The following SDF4 variants were observed in gnomAD, a reference collection of about 807,000 sequenced individuals.
SDF4 encodes 45 kDa calcium-binding protein.
SDF4 carries 22 observed loss-of-function variants against 34.2 expected under a neutral mutation model. The ratio of observed to expected loss-of-function variants is 0.64; its 90% CI spans 0.46 to 0.92. The LOEUF is 0.92. Among genes scored for constraint, SDF4 ranks in the 40% least tolerant of loss-of-function variants. The pLI is 0.00. For synonymous variants in SDF4, 236 were observed against 203.1 expected (o/e 1.16, Z -1.38); for missense variants, 447 against 499.9 (o/e 0.89, Z 1.01).
Position 1,217,921 on chromosome 1 carries a change from G to T in SDF4, c.892-233C>A, listed in dbSNP as rs1005750073. ...GTAACGGGGCACAGGGGCTACACAG[G>T]CCTGGACCCCAGTTCTGAAGGATCC... On this transcript the variant is annotated intron_variant, in intron 6 of 6. Coordinates refer to ENST00000360001, the MANE Select transcript of SDF4 (RefSeq NM_016176.6). The surrounding 1 kb of genome is among the most constrained non-coding windows in gnomAD (Gnocchi z 8.5). The T allele has an allele frequency of 8.6e-7, 1 of 1,159,576 alleles. No homozygotes were observed. The highest frequency in any genetic ancestry group is 1.2e-6 in the Non-Finnish European group (1 of 853,442). 71.8% of individuals were successfully genotyped at this position (1,159,576 alleles called of 1,614,324 possible). A position where few individuals can be genotyped will look rare whatever the true frequency, so the allele number is the denominator to read the frequency against.
At chr1:1,226,003 G>T (rs74046651) in intron 2 of SDF4, among the ~76,000 whole-genome samples, 5,751 of 152,314 alleles carry the variant, frequency 0.038, 320 homozygotes, top group African/African-American at 0.11. Flanking sequence ...GCACACACAC[G>T]TGAACAGGGC....
rs780570553 is a variant in SDF4 at position 1,228,613 on chromosome 1, G to C, written c.160C>G (p.His54Asp). Residue 54 changes from histidine to aspartate, a missense_variant, in exon 2 of 7, where the codon CAC (histidine) becomes GAC (aspartate). By Grantham distance (81) the His-to-Asp change is moderately conservative. Coordinates refer to ENST00000360001, the MANE Select transcript of SDF4 (RefSeq NM_016176.6). ...ATCTCCAGCTTCACCCCGTTCAGGT[G>C]GTCTGGGGGCAGGATCTCATTCTCC... ...REENEILPPD[H>D]LNGVKLEMDG... 5.0e-6 allele frequency: 8 copies of C among 1,613,268 alleles called. No homozygotes were observed. Among genetic ancestry groups the C allele is most frequent in the Non-Finnish European group, 6.8e-6 (8 of 1,180,020 alleles).
At chr1:1,229,167 G>GT (rs1008520237) in intron 1 of SDF4, among the ~76,000 whole-genome samples, 1 of 151,906 alleles carries the variant, frequency 6.6e-6, no homozygotes, top group Non-Finnish European at 1.5e-5. Flanking sequence ...CGTGGCATTT[G>GT]TTTTCTCCGG....
intron 4 of SDF4, among the ~76,000 whole-genome samples, chr1:1,222,583 GCCCTC>G (rs1650030810): frequency 6.6e-6 from 1 of 152,372 alleles, no homozygotes; most frequent in African/African-American, 2.4e-5. Flanking sequence ...CACAGGCTGT[GCCCTC>G]TCCCCAGGAA....
chr1:1,223,222 G>A (rs369708105), intron 4 of SDF4, 22 bp downstream of exon 4: 20 of 1,543,304 alleles, frequency 1.3e-5, no homozygotes, highest in South Asian at 2.2e-5. Context: ...GACCGGTGGC[G>A]GGAGCCTGGC....
chr1:1,223,786 G>GGCCCCC, intron 3 of SDF4, 46 bp downstream of exon 3: 11 of 585,236 alleles, frequency 1.9e-5, no homozygotes, highest in East Asian at 6.0e-5. Flanking sequence ...CCATGGCCCT[G>GGCCCCC]CCCGCCCCGC....
chr1:1,228,313 G>A (rs2100985225), intron 2 of SDF4, among the ~76,000 whole-genome samples, 155 bp downstream of exon 2: 1 of 152,362 alleles, frequency 6.6e-6, no homozygotes. Context: ...CGCAAACACA[G>A]CAGGCTGGAA....
intron 1 of SDF4, among the ~76,000 whole-genome samples, chr1:1,231,686 G>A (rs909745094): frequency 6.6e-6 from 1 of 152,016 alleles, no homozygotes; most frequent in African/African-American, 2.4e-5. Context: ...GGCCGGGGAG[G>A]CCAGCGTCGT....
At chr1:1,229,408 C>T (rs574392439) in intron 1 of SDF4, among the ~76,000 whole-genome samples, 10 of 152,224 alleles carry the variant, frequency 6.6e-5, no homozygotes, top group Non-Finnish European at 1.3e-4. Context: ...AGACGGGTCT[C>T]GCTGTATTGC....
intron 2 of SDF4, among the ~76,000 whole-genome samples, chr1:1,224,226 A>C (rs1327313558): frequency 2.0e-5 from 3 of 152,216 alleles, no homozygotes; most frequent in Admixed American, 6.5e-5. Context: ...TGTCACACAG[A>C]ATCACCACCA....
At chr1:1,230,776 T>C (rs975697250) in intron 1 of SDF4, among the ~76,000 whole-genome samples, 2 of 152,210 alleles carry the variant, frequency 1.3e-5, no homozygotes, top group Admixed American at 6.5e-5. Flanking sequence ...TGAACATGGC[T>C]GAGGGCTTTT....
intron 3 of SDF4, 79 bp downstream of exon 3, chr1:1,223,753 G>A (rs1054208438): frequency 1.0e-5 from 13 of 1,275,572 alleles, no homozygotes; most frequent in East Asian, 2.6e-5. Context: ...GGGCCTGTCT[G>A]CCCTCCAGGC....
intron 2 of SDF4, chr1:1,227,353 G>A (rs1460537297): frequency 2.5e-5 from 3 of 120,482 alleles, no homozygotes; most frequent in East Asian, 2.8e-4. Context: ...CAGGCCCGGC[G>A]GGAAGGCGAG....
intron 4 of SDF4, chr1:1,220,442 G>A (rs1484286831): frequency 5.9e-6 from 7 of 1,183,994 alleles, no homozygotes; most frequent in Non-Finnish European, 1.1e-6. Flanking sequence ...GGGGTGGGAG[G>A]TCGCAGGAGT....
At chr1:1,229,821 G>A (rs146958012) in intron 1 of SDF4, among the ~76,000 whole-genome samples, 8 of 152,298 alleles carry the variant, frequency 5.3e-5, no homozygotes, top group South Asian at 2.1e-4. Flanking sequence ...CAGGCTTTGC[G>A]AAGACAGCCA....
At chr1:1,226,862 C>T (rs113951925) in intron 2 of SDF4, among the ~76,000 whole-genome samples, 3 of 152,352 alleles carry the variant, frequency 2.0e-5, no homozygotes, top group Admixed American at 6.5e-5. Context: ...TGAGCAGGGA[C>T]GGGGACCCTT....
At chr1:1,229,766 C>T (rs1638434711) in intron 1 of SDF4, among the ~76,000 whole-genome samples, 1 of 152,210 alleles carries the variant, frequency 6.6e-6, no homozygotes, top group South Asian at 2.1e-4. Flanking sequence ...CCGGCCTCAG[C>T]TTCTCACTAA....
intron 2 of SDF4, among the ~76,000 whole-genome samples, chr1:1,225,427 G>A (rs895550876): frequency 4.3e-4 from 65 of 152,200 alleles, no homozygotes; most frequent in African/African-American, 1.4e-3. Context: ...AAGCTTCGAG[G>A]GTGCACACAC....
At position 1,223,855 on chromosome 1, in the gene SDF4, C is replaced by G; in HGVS notation, c.419G>C (p.Arg140Pro). The G allele has an allele frequency of 6.2e-7, 1 of 1,602,894 alleles. No homozygotes were observed. Among genetic ancestry groups the G allele is most frequent in the Non-Finnish European group, 8.5e-7 (1 of 1,178,900 alleles). Residue 140 changes from arginine (R) to proline (P), a missense_variant, in exon 3 of 7, where the codon CGC (arginine) becomes CCC (proline). Arg to Pro is a moderately radical substitution (Grantham distance 103). Coordinates refer to ENST00000360001, the MANE Select transcript of SDF4 (RefSeq NM_016176.6). ...EAMEESKTHF[R>P]AVDPDGDGHV... ...ACCGTCCCCGTCAGGGTCCACGGCG[C>G]GGAAGTGTGTCTTGCTCTCCTCCAT...
Sources: gnomAD v4.1 joint callset for allele counts (sites outside exome capture counted in the v4.1 genomes callset) on GRCh38, gnomAD v4.1.1 for gene constraint, Gnocchi (gnomAD v3.1) non-coding constraint, MANE v1.5 for transcripts, NCBI Gene and HGNC (gene_info 2026-07-23, HGNC 2026-07-21) for gene names.